RBFOX3: variants seen among roughly 807,000 people sequenced by gnomAD.
RBFOX3 encodes the protein RNA binding protein fox-1 homolog 3.
A neutral mutation model predicts 48.7 loss-of-function variants in RBFOX3; 17 were observed. The ratio of observed to expected loss-of-function variants is 0.35; its 90% CI spans 0.24 to 0.52. The LOEUF (loss-of-function observed/expected upper bound fraction) is 0.52, where lower values mean the gene tolerates loss of function less well. Ranked by LOEUF, RBFOX3 falls within the 20% of genes least tolerant of loss-of-function variation. The probability of loss-of-function intolerance (pLI) is 0.94; values close to 1 mark genes in which losing one functional copy is unlikely to be tolerated. For synonymous variants in RBFOX3, 212 were observed against 209.5 expected, an observed-to-expected ratio of 1.01 and a Z score of -0.10; for missense variants, 382 against 497.5, an observed-to-expected ratio of 0.77 and a Z score of 2.21.
At chr17:79,247,881 C>T (rs752067012) in intron 3 of RBFOX3, among the ~76,000 whole-genome samples, 1 of 152,206 alleles carries the variant, frequency 6.6e-6, no homozygotes, top group Non-Finnish European at 1.5e-5. Flanking sequence ...CCTGTAAAAG[C>T]GGGGGTGACA....
intron 4 of RBFOX3, among the ~76,000 whole-genome samples, chr17:79,201,714 G>A (rs1456071326): frequency 1.3e-5 from 2 of 152,096 alleles, no homozygotes; most frequent in East Asian, 3.9e-4. Flanking sequence ...GGTGGCCCAT[G>A]GCCCCCATGC....
At chr17:79,629,037 G>T in the RBFOX3 span, among the ~76,000 whole-genome samples, 3 of 152,280 alleles carry the variant, frequency 2.0e-5, no homozygotes, top group East Asian at 5.8e-4. Flanking sequence ...ACTATTCTTT[G>T]CCACCTTTGA....
In RBFOX3 at chr17:79,443,396, T is replaced by C. The variant is rs1426944720; in HGVS notation, c.-175+39058A>G. 6.6e-6 allele frequency among the ~76,000 whole-genome samples: 1 copy of C among 152,080 alleles called. No homozygotes were observed. Among genetic ancestry groups the C allele is most frequent in the Non-Finnish European group, 1.5e-5 (1 of 67,988 alleles). On this transcript the variant is annotated intron_variant, in intron 2 of 14. Coordinates refer to ENST00000693108, the MANE Select transcript of RBFOX3 (RefSeq NM_001350451.2). This position sits in a 1 kb window ranked among gnomAD's most constrained non-coding sequence, Gnocchi z 4.4. ...CATACACCCTTGCCTCTTTTTTTTTTCTTTTGAGACAGTCTTGCTCTGTCG... is the reference window on the plus strand; with the variant it reads ...CATACACCCTTGCCTCTTTTTTTTTCCTTTTGAGACAGTCTTGCTCTGTCG...
At chr17:79,625,862 C>T in the RBFOX3 span, among the ~76,000 whole-genome samples, 11 of 152,316 alleles carry the variant, frequency 7.2e-5, no homozygotes, top group African/African-American at 2.2e-4. Context: ...CACACACGTG[C>T]GCAGACGGGG....
Position 79,112,904 on chromosome 17 carries a change from C to CGGCGGGGGGGGG in RBFOX3, c.222+2589_222+2590insCCCCCCCCCGCC, listed in dbSNP as rs1307784460. Among the ~76,000 whole-genome samples the CGGCGGGGGGGGG allele has an allele frequency of 8.4e-3, 86 of 10,264 alleles. 1 individual carries two copies. The highest frequency in any genetic ancestry group is 0.062 in the Middle Eastern group (1 of 16). The allele number at this position is 10,264 out of a possible 152,430, so 6.7% of individuals were successfully genotyped here. ...GGTGCCAACCTGGGCAGCAGGCTCTCGGGGGGGGGGTGGGCTGGGTAGGAC... is the reference window on the plus strand; with the variant it reads ...GGTGCCAACCTGGGCAGCAGGCTCTCGGCGGGGGGGGGGGGGGGGGGGTGGGCTGGGTAGGAC... On this transcript the variant is annotated intron_variant, in intron 5 of 14. Coordinates refer to ENST00000693108, the MANE Select transcript of RBFOX3 (RefSeq NM_001350451.2).
rs2076825119 is a variant in RBFOX3, at chr17:79,103,487, A to G, written c.415-233T>C. Among the ~76,000 whole-genome samples, 1 of 152,112 alleles carries G rather than the reference A, an allele frequency of 6.6e-6. No individual in the cohort carries two copies. Among genetic ancestry groups the G allele is most frequent in the African/African-American group, 2.4e-5 (1 of 41,432 alleles). On this transcript the variant is annotated intron_variant, in intron 7 of 14. Transcript: ENST00000693108. This position sits in a 1 kb window ranked among gnomAD's most constrained non-coding sequence, Gnocchi z 6.1. ...GCCCCAGGGGGGCAGCTGCTGACCC[A>G]GCCTGAGCCCAGCCTGAGCTGATCA... is the stretch of plus-strand genomic sequence containing the variant.
chr17:79,174,975 G>A (rs113050937), intron 4 of RBFOX3, among the ~76,000 whole-genome samples: 4,381 of 152,250 alleles, frequency 0.029, 204 homozygotes, highest in African/African-American at 0.1. Flanking sequence ...GCCTCAGCTC[G>A]GGGCCTCCTC....
intron 1 of RBFOX3, among the ~76,000 whole-genome samples, chr17:79,498,572 T>TC (rs1271399157): frequency 1.4e-5 from 2 of 138,846 alleles, no homozygotes; most frequent in Non-Finnish European, 3.1e-5. Flanking sequence ...CACCTATCCT[T>TC]CCCCCCACCC....
At chr17:79,138,836 CAT>C (rs1277145131) in intron 4 of RBFOX3, among the ~76,000 whole-genome samples, 31 of 136,956 alleles carry the variant, frequency 2.3e-4, no homozygotes, top group East Asian at 4.5e-4. Flanking sequence ...CACCCACACA[CAT>C]GCACACAGCA....
intron 1 of RBFOX3, among the ~76,000 whole-genome samples, chr17:79,527,311 A>G (rs2086928596): frequency 6.6e-6 from 1 of 152,080 alleles, no homozygotes; most frequent in African/African-American, 2.4e-5. Context: ...TCTTTCTCCA[A>G]TTGCCCTTCT....
At chr17:79,093,272 C>T (rs1309768613) in intron 14 of RBFOX3, among the ~76,000 whole-genome samples, 1 of 151,872 alleles carries the variant, frequency 6.6e-6, no homozygotes, top group East Asian at 1.9e-4. Flanking sequence ...GAAGGGGCCT[C>T]CCACCCTCCC....
At chr17:79,213,320 C>T (rs140902317) in intron 4 of RBFOX3, among the ~76,000 whole-genome samples, 6 of 152,240 alleles carry the variant, frequency 3.9e-5, no homozygotes, top group Admixed American at 2.6e-4. Context: ...AAGGACGCGG[C>T]GGGGGGGCAC....
chr17:79,197,767 T>C (rs1345291342), intron 4 of RBFOX3, among the ~76,000 whole-genome samples: 1 of 152,144 alleles, frequency 6.6e-6, no homozygotes, highest in Admixed American at 6.5e-5. Flanking sequence ...GGCTTGTGTC[T>C]AGCTGGGCAG....
chr17:79,569,313 T>C (rs2092582070), intron 1 of RBFOX3, among the ~76,000 whole-genome samples: 1 of 152,310 alleles, frequency 6.6e-6, no homozygotes, highest in Admixed American at 6.5e-5. Context: ...AGTTATTTCA[T>C]CTAAGTGGAA....
intron 2 of RBFOX3, among the ~76,000 whole-genome samples, chr17:79,453,983 T>C (rs2149178074): frequency 6.6e-6 from 1 of 152,254 alleles, no homozygotes; most frequent in Admixed American, 6.5e-5. Flanking sequence ...CTAGGTGCCA[T>C]GTGCCCCCCA....
At chr17:79,545,855 G>A (rs1555791721) in intron 1 of RBFOX3, among the ~76,000 whole-genome samples, 1 of 152,156 alleles carries the variant, frequency 6.6e-6, no homozygotes, top group African/African-American at 2.4e-5. Context: ...CAGCTCACTC[G>A]GCTCACTCCA....
At chr17:79,093,546 TTG>T (rs201868576) in intron 14 of RBFOX3, among the ~76,000 whole-genome samples, 1,386 of 92,754 alleles carry the variant, frequency 0.015, 6 homozygotes, top group Admixed American at 0.028. Flanking sequence ...TCGTTAAAAA[TTG>T]AAAAAAAAAA....
chr17:79,115,783 T>A (rs2033758768), intron 4 of RBFOX3, 35 bp from the exon 5 acceptor site: 1 of 627,540 alleles, frequency 1.6e-6, no homozygotes, highest in Non-Finnish European at 2.8e-6. Flanking sequence ...CTGGTTAGAA[T>A]CTTGTCCCCT....
chr17:79,115,345 C>T lies in RBFOX3; in HGVS notation c.222+149G>A, dbSNP rs373739294. Reference sequence around the variant, plus strand: ...GGGGTGACTTCTGGCCCAGGAGCCCCGTAAAAGGCCTGCCCTCCACACACA... The same window carrying T: ...GGGGTGACTTCTGGCCCAGGAGCCCTGTAAAAGGCCTGCCCTCCACACACA... On this transcript the variant is annotated intron_variant, in intron 5 of 14. Coordinates refer to ENST00000693108, the MANE Select transcript of RBFOX3 (RefSeq NM_001350451.2). 9.1e-4 allele frequency: 410 copies of T among 448,642 alleles called. 2 individuals are homozygous for T. The East Asian group carries it at 0.014, about 15-fold the overall frequency. The allele number at this position is 448,642 out of a possible 1,614,324, so 27.8% of individuals were successfully genotyped here. A position where few individuals can be genotyped will look rare whatever the true frequency, so the allele number is the denominator to read the frequency against.
Sources: allele counts gnomAD v4.1 joint callset (sites outside exome capture counted in the v4.1 genomes callset), GRCh38; gene constraint gnomAD v4.1.1; non-coding constraint Gnocchi (gnomAD v3.1); transcripts MANE v1.5; gene names NCBI Gene and HGNC (gene_info 2026-07-23, HGNC 2026-07-21).